Variants in COLEC10 observed in about 807,000 individuals in gnomAD.
COLEC10 encodes the protein collectin-10.
In COLEC10, 22 loss-of-function variants were observed where a neutral mutation model predicts 28.4. The ratio of observed to expected loss-of-function variants is 0.78; its 90% CI spans 0.55 to 1.11. The LOEUF (loss-of-function observed/expected upper bound fraction) is 1.11. COLEC10 is among the 50% of genes least tolerant of loss of function. COLEC10 has a pLI of 0.00. For synonymous variants in COLEC10, 125 were observed against 116.1 expected (o/e 1.08, Z -0.49); for missense variants, 361 against 344.1 (o/e 1.05, Z -0.39).
chr8:118,992,191 ATATT>A (rs1813515174), upstream of COLEC10, among the ~76,000 whole-genome samples: 1 of 152,204 alleles, frequency 6.6e-6, no homozygotes, highest in Non-Finnish European at 1.5e-5. Context: ...CAGTCTATAA[ATATT>A]AGCCTTCACT....
chr8:119,070,776 A>G (rs1338020910), intron 1 of COLEC10, among the ~76,000 whole-genome samples: 1 of 152,238 alleles, frequency 6.6e-6, no homozygotes, highest in East Asian at 1.9e-4. Flanking sequence ...AAAGCAAAAG[A>G]GAGACAAGTT....
At chr8:118,954,550 C>A in the COLEC10 span, among the ~76,000 whole-genome samples, 8 of 152,196 alleles carry the variant, frequency 5.3e-5, no homozygotes, top group African/African-American at 1.9e-4. Context: ...GTGACAGATC[C>A]CTCATTGGCA....
intron 1 of COLEC10, among the ~76,000 whole-genome samples, chr8:119,083,345 T>C (rs981419748): frequency 2.0e-5 from 3 of 152,164 alleles, no homozygotes; most frequent in African/African-American, 7.2e-5. Flanking sequence ...TTTTTGAAAG[T>C]TCTAAATAAA....
intron 1 of COLEC10, among the ~76,000 whole-genome samples, chr8:119,009,200 T>C (rs1223025588): frequency 6.6e-6 from 1 of 150,862 alleles, no homozygotes; most frequent in Non-Finnish European, 1.5e-5. Context: ...AGGATGAATT[T>C]TGTGGGAAGT....
chr8:119,077,931 GT>G lies in COLEC10; in HGVS notation c.148+10505del, dbSNP rs199501299. Among the ~76,000 whole-genome samples, 890 of 151,636 alleles carry G rather than the reference GT, an allele frequency of 5.9e-3. 21 individuals are homozygous for G. The highest frequency in any genetic ancestry group is 0.021 in the African/African-American group (860 of 41,530). On this transcript the variant is annotated intron_variant, in intron 1 of 5. Coordinates refer to ENST00000332843, the MANE Select transcript of COLEC10 (RefSeq NM_006438.5). Reference sequence around the variant, plus strand: ...CATGTTTCTGCAGACTGTACAAAAAGTTTGGTGCCACCATCTGCTTCTGGTG... The same window carrying G: ...CATGTTTCTGCAGACTGTACAAAAAGTTGGTGCCACCATCTGCTTCTGGTG...
At chr8:118,984,433 G>A in the COLEC10 span, among the ~76,000 whole-genome samples, 2 of 152,030 alleles carry the variant, frequency 1.3e-5, no homozygotes, top group Admixed American at 6.6e-5. Context: ...ACACCCCCAT[G>A]ACATGAGTTT....
chr8:118,966,000 G>A, the COLEC10 span, among the ~76,000 whole-genome samples: 1 of 152,026 alleles, frequency 6.6e-6, no homozygotes, highest in East Asian at 1.9e-4. Context: ...GGTAGTGGTG[G>A]CATTTTTTTA....
chr8:119,061,600 C>T (rs1206845900), intron 2 of COLEC10, among the ~76,000 whole-genome samples: 2 of 151,916 alleles, frequency 1.3e-5, no homozygotes, highest in African/African-American at 4.8e-5. Context: ...TATTTTCATA[C>T]TGGAATCCCA....
At chr8:119,078,586 C>T (rs1022553551) in intron 1 of COLEC10, among the ~76,000 whole-genome samples, 1 of 152,128 alleles carries the variant, frequency 6.6e-6, no homozygotes, top group Non-Finnish European at 1.5e-5. Flanking sequence ...AAAATTCCAG[C>T]AGGCAGTTGG....
intron 1 of COLEC10, among the ~76,000 whole-genome samples, chr8:118,996,603 T>C (rs1057468483): frequency 6.6e-6 from 1 of 152,180 alleles, no homozygotes; most frequent in Non-Finnish European, 1.5e-5. Context: ...TTTATTTGAT[T>C]ATTAGTGACG....
intron 2 of COLEC10, among the ~76,000 whole-genome samples, chr8:119,013,385 AGTTTATCTTGGTGAATGTTCCAAGTG>A (rs1471662909): frequency 2.0e-5 from 3 of 150,542 alleles, no homozygotes; most frequent in Non-Finnish European, 3.0e-5. Context: ...CACAGAATGA[AGTTTATCTTGGTGAATGTTCCAAGTG>A]AGCTTGAGAA....
At chr8:119,011,365 T>C (rs76204106) in intron 2 of COLEC10, among the ~76,000 whole-genome samples, 2,591 of 151,098 alleles carry the variant, frequency 0.017, 85 homozygotes, top group Middle Eastern at 0.031. Context: ...AGCACTACAC[T>C]GTTTTGAGTA....
intron 2 of COLEC10, among the ~76,000 whole-genome samples, chr8:119,054,499 A>G (rs1814730516): frequency 6.6e-6 from 1 of 152,118 alleles, no homozygotes; most frequent in African/African-American, 2.4e-5. Context: ...GTCACTTAGC[A>G]GAGATGCCGT....
At chr8:119,067,243 TG>T (rs1360685835), upstream of COLEC10, 3 of 1,605,550 alleles carry the variant, frequency 1.9e-6, no homozygotes, top group Non-Finnish European at 2.6e-6. Context: ...GCTGTTTATT[TG>T]GCATTTCTGG....
At chr8:119,028,933 A>G (rs1477616818) in intron 2 of COLEC10, among the ~76,000 whole-genome samples, 4 of 152,222 alleles carry the variant, frequency 2.6e-5, no homozygotes, top group Non-Finnish European at 5.9e-5. Context: ...CTACATGTTA[A>G]TGGTGCTAGA....
rs1815970120 is a variant in COLEC10, at chr8:119,107,435, T to A, written c.*1244T>A. Among the ~76,000 whole-genome samples the A allele has an allele frequency of 6.6e-6, 1 of 152,204 alleles. No individual in the cohort carries two copies. Among genetic ancestry groups the A allele is most frequent in the Non-Finnish European group, 1.5e-5 (1 of 68,032 alleles). On this transcript the variant is annotated 3_prime_UTR_variant, in exon 6 of 6. Transcript: ENST00000332843. ...ATAAACAGTTCAAAGATACTCTAGA[T>A]TATCACCCTATAAACTTCTACTCCA...
At chr8:118,963,526 C>T in the COLEC10 span, among the ~76,000 whole-genome samples, 10 of 152,284 alleles carry the variant, frequency 6.6e-5, no homozygotes, top group Non-Finnish European at 1.2e-4. Flanking sequence ...CATCATCTAA[C>T]GTGAAATATC....
chr8:118,974,367 C>T, the COLEC10 span, among the ~76,000 whole-genome samples: 1 of 151,794 alleles, frequency 6.6e-6, no homozygotes, highest in Non-Finnish European at 1.5e-5. Context: ...AAGGGGAGTG[C>T]TGATTTATTC....
At chr8:119,035,250 C>T (rs550998301) in intron 2 of COLEC10, among the ~76,000 whole-genome samples, 2 of 152,274 alleles carry the variant, frequency 1.3e-5, no homozygotes, top group African/African-American at 4.8e-5. Context: ...TGGCTTTATA[C>T]GTGCATCAGC....
Sources: allele counts gnomAD v4.1 joint callset (sites outside exome capture counted in the v4.1 genomes callset), GRCh38; gene constraint gnomAD v4.1.1; transcripts MANE v1.5; gene names NCBI Gene and HGNC (gene_info 2026-07-23, HGNC 2026-07-21).